The following CCSER1 variants were observed in gnomAD, a reference collection of about 807,000 sequenced individuals.
The protein encoded by CCSER1 is serine-rich coiled-coil domain-containing protein 1.
In CCSER1, 41 loss-of-function variants were observed where a neutral mutation model predicts 82.0. That is an observed-to-expected ratio of 0.50 (90% CI 0.39 to 0.65). CCSER1 has a LOEUF of 0.65. Among genes scored for constraint, CCSER1 ranks in the 30% least tolerant of loss-of-function variants. The pLI, the probability that CCSER1 is intolerant of heterozygous loss-of-function variation, is 0.00. For missense variants in CCSER1, 1,119 were observed against 1,064.2 expected (o/e 1.05, Z -0.72); for synonymous variants, 414 against 383.9 (o/e 1.08, Z -0.92).
intron 3 of CCSER1, among the ~76,000 whole-genome samples, chr4:90,377,060 C>G (rs927932995): frequency 6.6e-6 from 1 of 152,124 alleles, no homozygotes; most frequent in Admixed American, 6.6e-5. Flanking sequence ...AAATGGCACT[C>G]AGGGAACAGG....
At chr4:91,375,221 C>T (rs1156978694) in intron 10 of CCSER1, among the ~76,000 whole-genome samples, 1 of 152,052 alleles carries the variant, frequency 6.6e-6, no homozygotes, top group Non-Finnish European at 1.5e-5. Context: ...TTCAAAAGTT[C>T]AGGGGAGGAA....
chr4:90,534,921 C>T (rs558416965), intron 5 of CCSER1, among the ~76,000 whole-genome samples: 1 of 152,290 alleles, frequency 6.6e-6, no homozygotes, highest in Admixed American at 6.5e-5. Context: ...GCATCCAAAT[C>T]ACTTGAGACC....
intron 1 of CCSER1, among the ~76,000 whole-genome samples, chr4:90,247,810 C>T (rs922711555): frequency 9.9e-5 from 15 of 151,630 alleles, no homozygotes; most frequent in African/African-American, 3.4e-4. Context: ...ATGAATTCCT[C>T]CTTTGCACTT....
rs565823104 is a variant in CCSER1 at position 90,343,393 on chromosome 4, G to A, written c.1509+30346G>A. 1.5e-3 allele frequency among the ~76,000 whole-genome samples: 224 copies of A among 152,276 alleles called. 1 individual carries two copies. The highest frequency in any genetic ancestry group is 5.2e-3 in the Admixed American group (80 of 15,294). On this transcript the variant is annotated intron_variant, in intron 3 of 10. Transcript: ENST00000509176. ...GGCATGGTGGAGGCCAAGGTGGATGGATCATTTGAGGTCAGGGGTTCCAGA... is the reference window on the plus strand; with the variant it reads ...GGCATGGTGGAGGCCAAGGTGGATGAATCATTTGAGGTCAGGGGTTCCAGA...
intron 1 of CCSER1, among the ~76,000 whole-genome samples, chr4:90,157,065 C>A (rs904688350): frequency 5.3e-5 from 8 of 152,110 alleles, no homozygotes; most frequent in Admixed American, 2.0e-4. Context: ...TTAGGGCAGT[C>A]CTGGTGGTGA....
chr4:90,719,581 C>A (rs565940776), intron 6 of CCSER1, among the ~76,000 whole-genome samples: 3 of 152,120 alleles, frequency 2.0e-5, no homozygotes, highest in Non-Finnish European at 4.4e-5. Context: ...GAAAGTTTCT[C>A]ACACTTTTCT....
intron 4 of CCSER1, among the ~76,000 whole-genome samples, chr4:90,441,831 A>G (rs1445516430): frequency 6.6e-6 from 1 of 152,238 alleles, no homozygotes; most frequent in South Asian, 2.1e-4. Flanking sequence ...ATGATTATAG[A>G]TGTGATATAT....
At chr4:90,578,396 C>T (rs372615675) in intron 5 of CCSER1, among the ~76,000 whole-genome samples, 1 of 151,980 alleles carries the variant, frequency 6.6e-6, no homozygotes, top group African/African-American at 2.4e-5. Context: ...GACTCATGGC[C>T]CCTTTCTGCC....
intron 1 of CCSER1, among the ~76,000 whole-genome samples, chr4:90,195,947 A>G (rs905434885): frequency 6.6e-6 from 1 of 152,038 alleles, no homozygotes; most frequent in Non-Finnish European, 1.5e-5. Context: ...AATTTTCTAG[A>G]GTTCTGTTTT....
chr4:90,628,513 A>G (rs1723752464), intron 6 of CCSER1, among the ~76,000 whole-genome samples: 1 of 152,248 alleles, frequency 6.6e-6, no homozygotes, highest in African/African-American at 2.4e-5. Flanking sequence ...AGAAATGAGT[A>G]TCAGCTATAT....
At chr4:90,923,190 G>A (rs1330324192) in intron 8 of CCSER1, among the ~76,000 whole-genome samples, 180 bp from the exon 9 acceptor site, 3 of 152,276 alleles carry the variant, frequency 2.0e-5, no homozygotes, top group African/African-American at 7.2e-5. Flanking sequence ...TGGGACAGTT[G>A]TGACCTAAAA....
intron 7 of CCSER1, among the ~76,000 whole-genome samples, chr4:90,762,912 G>A (rs544677362): frequency 4.6e-5 from 7 of 152,196 alleles, no homozygotes; most frequent in Admixed American, 1.3e-4. Flanking sequence ...GAGAGACAGA[G>A]AGAGATTTGA....
intron 10 of CCSER1, among the ~76,000 whole-genome samples, chr4:91,530,726 C>G (rs566504465): frequency 1.3e-5 from 2 of 149,978 alleles, no homozygotes; most frequent in South Asian, 4.2e-4. Context: ...TTTGGTTGCC[C>G]AGGGCGGACA....
intron 8 of CCSER1, among the ~76,000 whole-genome samples, chr4:90,852,186 A>G (rs1437249658): frequency 6.6e-6 from 1 of 152,212 alleles, no homozygotes; most frequent in East Asian, 1.9e-4. Flanking sequence ...AGATAAAACA[A>G]CTACAGAAGA....
chr4:90,285,185 T>C (rs1023098011), intron 1 of CCSER1, among the ~76,000 whole-genome samples: 1 of 152,058 alleles, frequency 6.6e-6, no homozygotes, highest in African/African-American at 2.4e-5. Context: ...GTGAAGAATG[T>C]CATTGGTGTT....
intron 7 of CCSER1, among the ~76,000 whole-genome samples, chr4:90,755,151 A>G (rs539460281): frequency 6.6e-6 from 1 of 152,304 alleles, no homozygotes; most frequent in East Asian, 1.9e-4. Context: ...CTTCACTGCA[A>G]ATAAGCCTAG....
At position 90,413,948 on chromosome 4, in the gene CCSER1, C is replaced by CAA. The variant is rs570689214; in HGVS notation, c.1603+13852_1603+13853dup. ...TGGGTGACAGAGCGAGACACCGTCTCAAAAAAAAAAAAAAAAAAAAAAAAA... is the reference window on the plus strand; with the variant it reads ...TGGGTGACAGAGCGAGACACCGTCTCAAAAAAAAAAAAAAAAAAAAAAAAAAA... On this transcript the variant is annotated intron_variant, in intron 4 of 10. Transcript: ENST00000509176. 1.2e-3 allele frequency among the ~76,000 whole-genome samples: 26 copies of CAA among 22,340 alleles called. 2 individuals carry two copies. Among genetic ancestry groups the CAA allele is most frequent in the East Asian group, 3.3e-3 (1 of 306 alleles). The allele number at this position is 22,340 out of a possible 152,430, so 14.7% of individuals were successfully genotyped here.
At chr4:90,716,901 T>A (rs560473429) in intron 6 of CCSER1, among the ~76,000 whole-genome samples, 4 of 152,150 alleles carry the variant, frequency 2.6e-5, no homozygotes, top group Non-Finnish European at 4.4e-5. Flanking sequence ...TATTTGTCCA[T>A]GTAGAGCTGG....
chr4:91,328,278 C>T (rs1177135472), intron 10 of CCSER1, among the ~76,000 whole-genome samples: 1 of 152,128 alleles, frequency 6.6e-6, no homozygotes, highest in Non-Finnish European at 1.5e-5. Context: ...GTTACACAGG[C>T]TGTACAGGAA....
Sources: gnomAD v4.1 joint callset for allele counts (sites outside exome capture counted in the v4.1 genomes callset) on GRCh38, gnomAD v4.1.1 for gene constraint, MANE v1.5 for transcripts, NCBI Gene and HGNC (gene_info 2026-07-23, HGNC 2026-07-21) for gene names.